Variants in COL20A1 observed in about 807,000 individuals in gnomAD.
COL20A1 encodes the protein collagen alpha-1(XX) chain.
In COL20A1, 164 loss-of-function variants were observed where a neutral mutation model predicts 152.9. The observed-to-expected ratio is 1.07, with a 90% CI of 0.94 to 1.22. The LOEUF (loss-of-function observed/expected upper bound fraction) is 1.22, where lower values mean the gene tolerates loss of function less well. COL20A1 is among the 50% of genes most tolerant of loss of function. The probability of loss-of-function intolerance (pLI) is 0.00; values close to 1 mark genes in which losing one functional copy is unlikely to be tolerated. For missense variants in COL20A1, 1,873 were observed against 1,744.8 expected (o/e 1.07, Z -1.31); for synonymous variants, 864 against 756.0 (o/e 1.14, Z -2.34).
At chr20:63,307,709 G>A in intron 6 of COL20A1, 61 bp downstream of exon 6, 1 of 1,558,756 alleles carries the variant, frequency 6.4e-7, no homozygotes, top group Non-Finnish European at 8.7e-7. Flanking sequence ...AGCTCTGCCA[G>A]AGGAGGCTGT....
At chr20:63,318,793 A>T (rs7265034) in intron 21 of COL20A1, among the ~76,000 whole-genome samples, 2 of 151,976 alleles carry the variant, frequency 1.3e-5, no homozygotes, top group African/African-American at 4.8e-5. Context: ...CATGTTACTC[A>T]TGGGGAAACC....
At chr20:63,327,871 C>T in intron 31 of COL20A1, 81 bp from the exon 32 acceptor site, 1 of 1,394,362 alleles carries the variant, frequency 7.2e-7, no homozygotes. Context: ...AGTGAGGATC[C>T]ACCTCAGGGC....
rs1441373581 is a variant in COL20A1, at chr20:63,303,289, G to C, written c.194-2128G>C. Reference sequence around the variant, plus strand: ...CTGCCCAGGCTGGACTCAAACTCCTGGGCTCAAGTGATTCTGCCACCTCAG... The same window carrying C: ...CTGCCCAGGCTGGACTCAAACTCCTCGGCTCAAGTGATTCTGCCACCTCAG... On this transcript the variant is annotated intron_variant, in intron 3 of 35. Transcript: ENST00000358894. Among the ~76,000 whole-genome samples the C allele has an allele frequency of 2.0e-5, 3 of 152,154 alleles. No homozygotes were observed. In the East Asian group the frequency reaches 5.8e-4, roughly 29 times the overall value.
rs1347131566 is a variant in COL20A1 at position 63,320,505 on chromosome 20, G to A, written c.3153+137G>A. Reference sequence around the variant, plus strand: ...AGATCAGGGAAGGCTTTCAGAGGAGGCAGCCTCAGGGCCAGTGGATGAGCC... The same window carrying A: ...AGATCAGGGAAGGCTTTCAGAGGAGACAGCCTCAGGGCCAGTGGATGAGCC... On this transcript the variant is annotated intron_variant, in intron 25 of 35. Transcript: ENST00000358894. 3.5e-6 allele frequency: 3 copies of A among 851,944 alleles called. No individual in the cohort carries two copies. The African/African-American group carries it at 5.0e-5, about 14-fold the overall frequency. The allele number at this position is 851,944 out of a possible 1,614,324, so 52.8% of individuals were successfully genotyped here.
intron 29 of COL20A1, 134 bp downstream of exon 29, chr20:63,325,855 C>T: frequency 1.2e-6 from 1 of 850,788 alleles, no homozygotes. Flanking sequence ...ACCTGCTGCA[C>T]CACCCCCTTC....
Position 63,316,567 on chromosome 20 carries a change from G to T in COL20A1, c.2539G>T (p.Val847Leu). 1.3e-6 allele frequency: 2 copies of T among 1,590,618 alleles called. No homozygotes were observed. Among genetic ancestry groups the T allele is most frequent in the East Asian group, 4.6e-5 (2 of 43,894 alleles). ...DGSLPGFDLMVAFSLVEKAYA... is the reference protein window; with the variant it reads ...DGSLPGFDLMLAFSLVEKAYA... ...ATCTTCCCCAGGGTTTGACCTGATGGTGGCCTTCAGCCTGGTGGAAAAGGC... is the reference window on the plus strand; with the variant it reads ...ATCTTCCCCAGGGTTTGACCTGATGTTGGCCTTCAGCCTGGTGGAAAAGGC... Residue 847 changes from valine (V) to leucine (L), a missense_variant, in exon 21 of 36, where the codon GTG (valine) becomes TTG (leucine). Coordinates refer to ENST00000358894, the MANE Select transcript of COL20A1 (RefSeq NM_020882.4).
At chr20:63,297,298 G>T (rs1395708260) in intron 2 of COL20A1, among the ~76,000 whole-genome samples, 1 of 150,992 alleles carries the variant, frequency 6.6e-6, no homozygotes, top group Middle Eastern at 3.4e-3. Flanking sequence ...CCAGCCTGGG[G>T]ACTCAGCCCA....
chr20:63,328,184 A>G, intron 33 of COL20A1, 57 bp downstream of exon 33: 1 of 1,599,382 alleles, frequency 6.3e-7, no homozygotes. Flanking sequence ...TGCCTACCAC[A>G]CCTGTCTGTC....
chr20:63,314,028 A>G, intron 18 of COL20A1, 44 bp from the exon 19 acceptor site: 1 of 1,611,720 alleles, frequency 6.2e-7, no homozygotes, highest in Non-Finnish European at 8.5e-7. Flanking sequence ...TGGACGAGCA[A>G]AGTTGCCCAG....
In COL20A1 at chr20:63,305,600, G is replaced by C; in HGVS notation, c.337+40G>C. 1.3e-6 allele frequency: 2 copies of C among 1,551,518 alleles called. No homozygotes were observed. Among genetic ancestry groups the C allele is most frequent in the Non-Finnish European group, 1.7e-6 (2 of 1,150,982 alleles). On this transcript the variant is annotated intron_variant, in intron 4 of 35. Coordinates refer to ENST00000358894, the MANE Select transcript of COL20A1 (RefSeq NM_020882.4). The surrounding 1 kb of genome is among the most constrained non-coding windows in gnomAD (Gnocchi z 4.9). ...TGCCAGCTGGGTACCCACTCCTCCA[G>C]GCCGGGTCCCACCCTCCTCTGGGCT...
Position 63,312,446 on chromosome 20 carries a change from G to A in COL20A1, c.1830G>A (p.Ser610=), listed in dbSNP as rs756932170. Residue 610 remains serine, a synonymous_variant, in exon 15 of 36, where the codon TCG becomes TCA. Coordinates refer to ENST00000358894, the MANE Select transcript of COL20A1 (RefSeq NM_020882.4). ...CAGAGGCTCCTGGGAACGCCACCTC[G>A]GCCACGCTGGGGCCTCTCTCTTCCT... ...GQTEAPGNAT[S]ATLGPLSSST... The A allele has an allele frequency of 1.9e-5, 30 of 1,602,762 alleles. No individual in the cohort carries two copies. Among genetic ancestry groups the A allele is most frequent in the Middle Eastern group, 2.1e-4 (1 of 4,838 alleles).
Position 63,297,991 on chromosome 20 carries a change from G to A in COL20A1, c.164G>A (p.Gly55Asp). ...AGAGAGTCGGAGGGGAGCGGCCTCG[G>A]CTACCTGGTGCAGGTGAAGCCCATG... is the stretch of plus-strand genomic sequence containing the variant. ...KWRESEGSGLGYLVQVKPMAG... is the reference protein window; with the variant it reads ...KWRESEGSGLDYLVQVKPMAG... Residue 55 changes from glycine to aspartate, a missense_variant, in exon 3 of 36, where the codon GGC (glycine) becomes GAC (aspartate). Physicochemically the swap from Gly to Asp is moderately conservative, Grantham distance 94. Coordinates refer to ENST00000358894, the MANE Select transcript of COL20A1 (RefSeq NM_020882.4). The A allele has an allele frequency of 1.2e-6, 2 of 1,612,312 alleles. No individual in the cohort carries two copies. The highest frequency in any genetic ancestry group is 1.7e-6 in the Non-Finnish European group (2 of 1,179,714).
intron 19 of COL20A1, 109 bp downstream of exon 19, chr20:63,314,310 C>G: frequency 1.0e-6 from 1 of 980,242 alleles, no homozygotes; most frequent in Non-Finnish European, 1.5e-6. Flanking sequence ...CAGCCAACCC[C>G]AGACCTAGTT....
chr20:63,303,316 C>A (rs1163517150), intron 3 of COL20A1, among the ~76,000 whole-genome samples: 1 of 152,194 alleles, frequency 6.6e-6, no homozygotes, highest in Non-Finnish European at 1.5e-5. Flanking sequence ...CCACCTCAGC[C>A]TCCCAAGTAG....
At position 63,312,514 on chromosome 20, in the gene COL20A1, G is replaced by T. The variant is rs942835683; in HGVS notation, c.1898G>T (p.Gly633Val). Reference protein sequence around the residue: ...TVRVTCLYPGGGSSTLTGRVT... With the variant: ...TVRVTCLYPGVGSSTLTGRVT... The stretch of plus-strand genomic sequence containing the variant: ...CGTGTCACCTGCCTCTACCCTGGGG[G>T]TGGCTCCTCTACGCTGACTGGCCGG... The change falls in exon 15 of 36, where the codon GGT (glycine) becomes GTT (valine). Residue 633 changes from glycine (G) to valine (V), a missense_variant. Transcript: ENST00000358894. 1 of 1,607,080 alleles carries T rather than the reference G, an allele frequency of 6.2e-7. No homozygotes were observed. The highest frequency in any genetic ancestry group is 8.5e-7 in the Non-Finnish European group (1 of 1,178,154).
At chr20:63,301,404 G>A (rs1019209942) in intron 3 of COL20A1, among the ~76,000 whole-genome samples, 2 of 152,210 alleles carry the variant, frequency 1.3e-5, no homozygotes, top group African/African-American at 2.4e-5. Flanking sequence ...ATTTGCAGTT[G>A]TTGGGTAGAG....
chr20:63,316,697 AGG>A lies in COL20A1; in HGVS notation c.2663+8_2663+9del, dbSNP rs761833334. The A allele has an allele frequency of 6.5e-7, 1 of 1,534,562 alleles. No homozygotes were observed. The highest frequency in any genetic ancestry group is 1.2e-5 in the South Asian group (1 of 82,800). Reference sequence around the variant, plus strand: ...CAGCTGACAAGACGGGTCAGGTGTGAGGGCAAGGGCTGGGGTGGAGCTGGAAG... The same window carrying A: ...CAGCTGACAAGACGGGTCAGGTGTGAGCAAGGGCTGGGGTGGAGCTGGAAG... On this transcript the variant is annotated splice_region_variant and intron_variant, in intron 21 of 35. Transcript: ENST00000358894.
At chr20:63,312,310 T>C in intron 14 of COL20A1, 110 bp from the exon 15 acceptor site, 1 of 1,287,406 alleles carries the variant, frequency 7.8e-7, no homozygotes, top group Non-Finnish European at 1.0e-6. Flanking sequence ...TCCCCGTTTC[T>C]GGGGGGTCGT....
Position 63,328,312 on chromosome 20 carries a change from A to G in COL20A1, c.3614-19A>G. 1 of 1,601,506 alleles carries G rather than the reference A, an allele frequency of 6.2e-7. No homozygotes were observed. The highest frequency in any genetic ancestry group is 1.1e-5 in the South Asian group (1 of 89,294). ...CCCGGGTCCCCACTGTGTCCTGCTG[A>G]CACCCCTCCTCCCCACAGCACACGT... is the stretch of plus-strand genomic sequence containing the variant. On this transcript the variant is annotated intron_variant, in intron 33 of 35. Transcript: ENST00000358894.
Sources: allele counts gnomAD v4.1 joint callset (sites outside exome capture counted in the v4.1 genomes callset), GRCh38; gene constraint gnomAD v4.1.1; non-coding constraint Gnocchi (gnomAD v3.1); transcripts MANE v1.5; gene names NCBI Gene and HGNC (gene_info 2026-07-23, HGNC 2026-07-21).